The following PLA2R1 variants were observed in gnomAD, a reference collection of about 807,000 sequenced individuals.
The protein encoded by PLA2R1 is phospholipase A2 receptor 1, also known as secretory phospholipase A2 receptor.
Under a neutral mutation model 195.9 loss-of-function variants are expected in PLA2R1, and 158 were observed. That is an observed-to-expected ratio of 0.81 (90% CI 0.71 to 0.92). The LOEUF (loss-of-function observed/expected upper bound fraction) is 0.92, where lower values mean the gene tolerates loss of function less well. Among genes scored for constraint, PLA2R1 ranks in the 40% least tolerant of loss-of-function variants. The probability of loss-of-function intolerance (pLI) is 0.00; values close to 1 mark genes in which losing one functional copy is unlikely to be tolerated. For missense variants in PLA2R1, 1,626 were observed against 1,764.6 expected (o/e 0.92, Z 1.41); for synonymous variants, 586 against 598.2 (o/e 0.98, Z 0.30).
chr2:159,959,029 C>T (rs1385767561), intron 20 of PLA2R1, among the ~76,000 whole-genome samples: 3 of 152,182 alleles, frequency 2.0e-5, no homozygotes, highest in East Asian at 1.9e-4. Context: ...AGAGAAAATA[C>T]ATTTTCAATT....
At chr2:159,929,200 G>A (rs984665395), downstream of PLA2R1, among the ~76,000 whole-genome samples, 55 of 152,222 alleles carry the variant, frequency 3.6e-4, no homozygotes, top group African/African-American at 1.3e-3. Flanking sequence ...GAAACAATCA[G>A]CAGAGTACAC....
chr2:159,978,325 T>C (rs1459355564), intron 14 of PLA2R1, among the ~76,000 whole-genome samples: 1 of 152,162 alleles, frequency 6.6e-6, no homozygotes, highest in Non-Finnish European at 1.5e-5. Context: ...CAAGTAAAAT[T>C]GGGGTAAAAA....
At chr2:159,993,896 T>C (rs990326146) in intron 11 of PLA2R1, among the ~76,000 whole-genome samples, 5 of 152,100 alleles carry the variant, frequency 3.3e-5, no homozygotes, top group Admixed American at 3.3e-4. Context: ...TTTTGAAAGC[T>C]AGTAAAGGGA....
In PLA2R1 at chr2:159,941,893, C is replaced by A. The variant is rs757760363; in HGVS notation, c.4277G>T (p.Gly1426Val). 1.2e-6 allele frequency: 2 copies of A among 1,613,506 alleles called. No individual in the cohort carries two copies. The highest frequency in any genetic ancestry group is 1.7e-6 in the Non-Finnish European group (2 of 1,179,622). Residue 1426 changes from glycine (G) to valine (V), a missense_variant, in exon 30 of 30, where the codon GGC becomes GTC. Coordinates refer to ENST00000283243, the MANE Select transcript of PLA2R1 (RefSeq NM_007366.5). ...AAACCCTGCAAGTCTCCTGAAGAAG[C>A]CACCGTTATGCTTGTATATGCAGAA... is the stretch of plus-strand genomic sequence containing the variant. ...LSFCIYKHNG[G>V]FFRRLAGFRN...
chr2:159,944,358 C>T (rs1318253974), intron 28 of PLA2R1, among the ~76,000 whole-genome samples: 1 of 152,142 alleles, frequency 6.6e-6, no homozygotes, highest in African/African-American at 2.4e-5. Flanking sequence ...TAGACATTTT[C>T]CCACCATCAG....
At chr2:159,946,010 G>A (rs1420293726) in intron 27 of PLA2R1, 10 of 983,858 alleles carry the variant, frequency 1.0e-5, no homozygotes, top group Non-Finnish European at 1.2e-5. Flanking sequence ...ATTACAAAAT[G>A]GCTCACTTTC....
intron 11 of PLA2R1, among the ~76,000 whole-genome samples, chr2:159,990,811 A>G (rs528110609): frequency 6.6e-6 from 1 of 152,198 alleles, no homozygotes; most frequent in East Asian, 1.9e-4. Context: ...GAGGCTTAGT[A>G]ACTTGCCAAA....
chr2:160,032,344 G>A (rs1443860438), intron 4 of PLA2R1, among the ~76,000 whole-genome samples: 1 of 152,176 alleles, frequency 6.6e-6, no homozygotes, highest in Non-Finnish European at 1.5e-5. Context: ...TTTTTAAAGA[G>A]GTGAATGTAC....
chr2:159,993,490 T>G (rs1231597485), intron 11 of PLA2R1, among the ~76,000 whole-genome samples: 2 of 133,212 alleles, frequency 1.5e-5, no homozygotes, highest in African/African-American at 2.6e-5. Context: ...CCTAGATCTG[T>G]CCATTGAAAT....
At position 159,935,763 on chromosome 2, in the gene PLA2R1, T is replaced by C. The variant is rs1686788692; in HGVS notation, c.*6015A>G. On this transcript the variant is annotated 3_prime_UTR_variant, in exon 30 of 30. Coordinates refer to ENST00000283243, the MANE Select transcript of PLA2R1 (RefSeq NM_007366.5). Reference sequence around the variant, plus strand: ...TACTACAACAATTTGAATTCTATCATAATCTATTTAAAAATAGAAATAACC... The same window carrying C: ...TACTACAACAATTTGAATTCTATCACAATCTATTTAAAAATAGAAATAACC... The C allele has an allele frequency of 6.6e-6, 1 of 152,106 alleles. No homozygotes were observed. Among genetic ancestry groups the C allele is most frequent in the Admixed American group, 6.6e-5 (1 of 15,264 alleles). The allele number at this position is 152,106 out of a possible 1,614,324, so 9.4% of individuals were successfully genotyped here.
downstream of PLA2R1, among the ~76,000 whole-genome samples, chr2:159,930,249 A>T (rs1237822969): frequency 6.6e-6 from 1 of 152,180 alleles, no homozygotes; most frequent in African/African-American, 2.4e-5. Flanking sequence ...TCTACTAAAA[A>T]TACAAAAAAT....
intron 3 of PLA2R1, among the ~76,000 whole-genome samples, chr2:160,037,309 T>C (rs1694224547): frequency 6.6e-6 from 1 of 152,248 alleles, no homozygotes; most frequent in African/African-American, 2.4e-5. Flanking sequence ...TCTTTTGCAC[T>C]TAGAATTAGG....
At chr2:159,944,719 T>C (rs1687278415) in intron 28 of PLA2R1, among the ~76,000 whole-genome samples, 187 bp downstream of exon 28, 1 of 152,198 alleles carries the variant, frequency 6.6e-6, no homozygotes, top group Admixed American at 6.5e-5. Flanking sequence ...TGATTTTTTT[T>C]CTCATATCAG....
chr2:159,984,105 TTATAGA>T (rs1180626486), intron 12 of PLA2R1, 32 bp from the exon 13 acceptor site: 2 of 1,094,366 alleles, frequency 1.8e-6, no homozygotes, highest in East Asian at 2.4e-5. Flanking sequence ...ATTAACATTG[TTATAGA>T]TAAAGTCAGG....
rs748871031 is a variant in PLA2R1, at chr2:159,946,747, A to T, written c.3967+54T>A. 5 of 1,510,458 alleles carry T rather than the reference A, an allele frequency of 3.3e-6. No individual in the cohort carries two copies. In the South Asian group the frequency reaches 6.8e-5, roughly 20 times the overall value. The allele number at this position is 1,510,458 out of a possible 1,614,324, so 93.6% of individuals were successfully genotyped here. A position where few individuals can be genotyped will look rare whatever the true frequency, so the allele number is the denominator to read the frequency against. On this transcript the variant is annotated intron_variant, in intron 27 of 29. Transcript: ENST00000283243. ...CTGGCTCACAGATGCCATTATCATC[A>T]GCTTTAACAACCATGTATTTATTTA...
chr2:160,049,111 G>A (rs1026144801), intron 1 of PLA2R1, among the ~76,000 whole-genome samples: 1 of 152,090 alleles, frequency 6.6e-6, no homozygotes, highest in Non-Finnish European at 1.5e-5. Context: ...AAAGTGCTGG[G>A]ATTACAGGCG....
chr2:159,969,220 T>C (rs1023518234), intron 19 of PLA2R1, 36 bp downstream of exon 19: 2 of 1,017,072 alleles, frequency 2.0e-6, no homozygotes, highest in Non-Finnish European at 3.1e-6. Flanking sequence ...ATTATCAGTT[T>C]GTATTATAAA....
In PLA2R1 at chr2:160,005,793, T is replaced by A. The variant is rs755990915; in HGVS notation, c.1693A>T (p.Ile565Phe). 1.1e-5 allele frequency: 17 copies of A among 1,612,714 alleles called. No homozygotes were observed. The highest frequency in any genetic ancestry group is 4.0e-5 in the African/African-American group (3 of 74,852). Residue 565 changes from isoleucine (I) to phenylalanine (F), a missense_variant, in exon 11 of 30, where the codon ATC becomes TTC. By Grantham distance (21) the Ile-to-Phe change is conservative (BLOSUM62 0). Transcript: ENST00000283243. ...RFEQAFITSL[I>F]SSVVKMKDSY... is the part of the protein sequence containing the mutation. The stretch of plus-strand genomic sequence containing the variant: ...TCCTTCATTTTTACCACACTACTGA[T>A]CAAACTGGTAATAAAAGCCTGTTCA...
chr2:160,062,472 G>A lies in PLA2R1; in HGVS notation c.-69C>T. 1 of 1,457,162 alleles carries A rather than the reference G, an allele frequency of 6.9e-7. No individual in the cohort carries two copies. Among genetic ancestry groups the A allele is most frequent in the Non-Finnish European group, 9.0e-7 (1 of 1,108,046 alleles). 90.3% of individuals were successfully genotyped at this position (1,457,162 alleles called of 1,614,324 possible). A position where few individuals can be genotyped will look rare whatever the true frequency, so the allele number is the denominator to read the frequency against. On this transcript the variant is annotated 5_prime_UTR_variant, in exon 1 of 30. It adds an upstream start codon to the 5' untranslated region. Transcript: ENST00000283243. ...CCTTATCCCGGGAGCCCAGAGCCGC[G>A]TCCCAAGCACCCGGCCCCGCCGCGC...
Sources: gnomAD v4.1 joint callset for allele counts (sites outside exome capture counted in the v4.1 genomes callset) on GRCh38, gnomAD v4.1.1 for gene constraint, MANE v1.5 for transcripts, NCBI Gene and HGNC (gene_info 2026-07-23, HGNC 2026-07-21) for gene names.